Variants in MEIS3 observed in about 807,000 individuals in gnomAD.
MEIS3 encodes the protein homeobox protein Meis3.
In MEIS3, 38 loss-of-function variants were observed where a neutral mutation model predicts 51.4. The observed-to-expected ratio is 0.74, with a 90% CI of 0.57 to 0.97. The LOEUF is 0.97. Among genes scored for constraint, MEIS3 ranks in the 50% least tolerant of loss-of-function variants. The pLI is 0.00. For missense variants in MEIS3, 456 were observed against 502.6 expected (o/e 0.91, Z 0.89); for synonymous variants, 198 against 201.8 (o/e 0.98, Z 0.16).
intron 6 of MEIS3, among the ~76,000 whole-genome samples, chr19:47,413,452 T>C (rs1971238798): frequency 6.6e-6 from 1 of 150,764 alleles, no homozygotes; most frequent in South Asian, 2.1e-4. Flanking sequence ...GGCTGTGGCG[T>C]GGTCGTCATA....
At chr19:47,404,490 C>T (rs1970729220) in intron 12 of MEIS3, among the ~76,000 whole-genome samples, 1 of 152,168 alleles carries the variant, frequency 6.6e-6, no homozygotes, top group African/African-American at 2.4e-5. Context: ...CCTGCCTCAA[C>T]CCAGTCCAAA....
At chr19:47,409,385 C>T in intron 7 of MEIS3, 51 bp downstream of exon 7, 1 of 1,582,438 alleles carries the variant, frequency 6.3e-7, no homozygotes, top group East Asian at 2.2e-5. Flanking sequence ...GATCTAACTT[C>T]AATCCTCTGG....
intron 11 of MEIS3, 141 bp from the exon 12 acceptor site, chr19:47,406,667 G>C: frequency 1.1e-6 from 1 of 935,904 alleles, no homozygotes; most frequent in Non-Finnish European, 1.6e-6. Context: ...GGCCCTTTAA[G>C]AAAAAGTGGA....
At chr19:47,409,814 G>C (rs530337453) in intron 6 of MEIS3, among the ~76,000 whole-genome samples, 73 of 149,454 alleles carry the variant, frequency 4.9e-4, no homozygotes, top group African/African-American at 1.7e-3. Context: ...AGTGAGCCGA[G>C]ATTGCGCCAC....
At chr19:47,418,716 A>C in intron 1 of MEIS3, 2 of 163,710 alleles carry the variant, frequency 1.2e-5, no homozygotes, top group Non-Finnish European at 2.4e-5. Context: ...GGGGGAGGGC[A>C]GAGAGAGGGG....
chr19:47,409,356 C>A, intron 7 of MEIS3, 80 bp downstream of exon 7: 1 of 1,575,040 alleles, frequency 6.3e-7, no homozygotes. Flanking sequence ...ATCTCTGCCC[C>A]TCTACAAGTC....
intron 8 of MEIS3, 160 bp from the exon 9 acceptor site, chr19:47,407,588 C>A: frequency 6.8e-7 from 1 of 1,469,634 alleles, no homozygotes; most frequent in South Asian, 1.4e-5. Flanking sequence ...AGGATGGAGA[C>A]CAAGGGAGCC....
At chr19:47,419,690 C>T (rs939446693), upstream of MEIS3, among the ~76,000 whole-genome samples, 19 of 150,170 alleles carry the variant, frequency 1.3e-4, no homozygotes, top group Non-Finnish European at 2.4e-4. Flanking sequence ...GAGGAAGAGA[C>T]CGCGGCCCTG....
At chr19:47,407,486 A>G (rs1192134216) in intron 8 of MEIS3, 58 bp from the exon 9 acceptor site, 1 of 1,612,994 alleles carries the variant, frequency 6.2e-7, no homozygotes, top group Admixed American at 1.7e-5. Context: ...CTGAACCCCA[A>G]GGTCTGGCCC....
chr19:47,416,013 C>T (rs781605296), intron 4 of MEIS3: 1 of 152,620 alleles, frequency 6.6e-6, no homozygotes, highest in Admixed American at 6.5e-5. Context: ...ATCCTCCCGC[C>T]TCAGCCTCCA....
In MEIS3 at chr19:47,406,900, C is replaced by G. The variant is rs148464543; in HGVS notation, c.1066G>C (p.Val356Leu). 4.4e-6 allele frequency: 7 copies of G among 1,573,780 alleles called. No individual in the cohort carries two copies. The highest frequency in any genetic ancestry group is 6.0e-6 in the Non-Finnish European group (7 of 1,162,236). Residue 356 changes from valine to leucine, a missense_variant, in exon 11 of 13, where the codon GTC becomes CTC. Transcript: ENST00000558555. ...GGGCGAGGCTTACCCGGAGGCCGGA[C>G]GGCCACGTGTGGCTGCGTCTCGGTA... Reference protein sequence around the residue: ...GYTETQPHVAVRPPGSVGMSL... With the variant: ...GYTETQPHVALRPPGSVGMSL...
chr19:47,410,886 C>T (rs1048296252), intron 6 of MEIS3, among the ~76,000 whole-genome samples: 16 of 152,222 alleles, frequency 1.1e-4, no homozygotes, highest in Non-Finnish European at 1.3e-4. Flanking sequence ...TCTATGGCAT[C>T]TTATCTAAAA....
chr19:47,408,468 A>G (rs544781084), intron 8 of MEIS3, among the ~76,000 whole-genome samples: 4 of 150,620 alleles, frequency 2.7e-5, no homozygotes, highest in South Asian at 2.1e-4. Flanking sequence ...CTGACTCACT[A>G]TCTCTGTGTG....
rs994670193 is a variant in MEIS3 at position 47,419,215 on chromosome 19, C to G, written c.-134G>C. 49 of 528,330 alleles carry G rather than the reference C, an allele frequency of 9.3e-5. No homozygotes were observed. The highest frequency in any genetic ancestry group is 9.0e-4 in the African/African-American group (45 of 49,804). The allele number at this position is 528,330 out of a possible 1,614,324, so 32.7% of individuals were successfully genotyped here. On this transcript the variant is annotated 5_prime_UTR_variant, in exon 1 of 13. Coordinates refer to ENST00000558555, the MANE Select transcript of MEIS3 (RefSeq NM_001301059.2). ...GGGCAGGAGGCCAGGCGCGCGCCCC[C>G]CCACCCCCGCCGCCGTCAGCGGCAG...
intron 1 of MEIS3, 97 bp from the exon 2 acceptor site, chr19:47,417,447 G>A (rs1180197747): frequency 7.1e-7 from 1 of 1,410,794 alleles, no homozygotes; most frequent in African/African-American, 1.4e-5. Flanking sequence ...CCCAGGAGAT[G>A]CCCTTCTGTG....
At chr19:47,418,796 G>T (rs1036213584) in intron 1 of MEIS3, 69 of 362,212 alleles carry the variant, frequency 1.9e-4, no homozygotes, top group Non-Finnish European at 2.8e-4. Context: ...AAAGGAGGAG[G>T]AGAGTGGGGC....
At chr19:47,421,746 C>CTT (rs11323618), upstream of MEIS3, among the ~76,000 whole-genome samples, 2 of 143,840 alleles carry the variant, frequency 1.4e-5, no homozygotes, top group African/African-American at 5.1e-5. Context: ...TGTCTCCTGG[C>CTT]TTTTTTTTTT....
rs139146218 is a variant in MEIS3, at chr19:47,414,836, G to A, written c.478C>T (p.Arg160Cys). The A allele has an allele frequency of 6.2e-6, 10 of 1,613,012 alleles. No individual in the cohort carries two copies. The highest frequency in any genetic ancestry group is 2.7e-5 in the African/African-American group (2 of 74,810). ...TTTCCCTTGAGGCAGGTGATGTAGC[G>A]GTGACAGAAGTTGTCGCACAGGTCG... The part of the protein sequence containing the change: ...VHDLCDNFCH[R>C]YITCLKGKMP... The change falls in exon 6 of 13, where the codon CGC becomes TGC. Residue 160 changes from arginine to cysteine, a missense_variant. Transcript: ENST00000558555.
At chr19:47,409,371 T>C in intron 7 of MEIS3, 65 bp downstream of exon 7, 1 of 1,577,668 alleles carries the variant, frequency 6.3e-7, no homozygotes, top group Non-Finnish European at 8.7e-7. Flanking sequence ...CAAGTCTTAC[T>C]TGCGATCTAA....
Sources: gnomAD v4.1 joint callset for allele counts (sites outside exome capture counted in the v4.1 genomes callset) on GRCh38, gnomAD v4.1.1 for gene constraint, MANE v1.5 for transcripts, NCBI Gene and HGNC (gene_info 2026-07-23, HGNC 2026-07-21) for gene names.